KCNH7: variants seen among roughly 807,000 people sequenced by gnomAD.
KCNH7 encodes the protein voltage-gated inwardly rectifying potassium channel KCNH7.
Under a neutral mutation model 120.8 loss-of-function variants are expected in KCNH7, and 49 were observed. The observed-to-expected ratio is 0.41, with a 90% CI of 0.32 to 0.51. The LOEUF is 0.51. Ranked by LOEUF, KCNH7 falls within the 20% of genes least tolerant of loss-of-function variation. The pLI, the probability that KCNH7 is intolerant of heterozygous loss-of-function variation, is 0.38. For missense variants in KCNH7, 1,097 were observed against 1,446.6 expected (o/e 0.76, Z 3.92); for synonymous variants, 547 against 516.1 (o/e 1.06, Z -0.81).
intron 2 of KCNH7, among the ~76,000 whole-genome samples, chr2:162,588,185 C>T (rs1694083605): frequency 6.6e-6 from 1 of 152,080 alleles, no homozygotes; most frequent in African/African-American, 2.4e-5. Context: ...CTGACCTTCA[C>T]ACCTCTGAGT....
chr2:162,744,553 T>C (rs994121575), intron 2 of KCNH7, among the ~76,000 whole-genome samples: 1 of 150,924 alleles, frequency 6.6e-6, no homozygotes, highest in Non-Finnish European at 1.5e-5. Flanking sequence ...TACAGTTATA[T>C]TCTAATTCAC....
At chr2:162,437,874 A>G (rs1199154390) in intron 7 of KCNH7, among the ~76,000 whole-genome samples, 1 of 152,132 alleles carries the variant, frequency 6.6e-6, no homozygotes, top group Non-Finnish European at 1.5e-5. Context: ...AGCTCGCCTC[A>G]AGAAATGGCA....
intron 2 of KCNH7, among the ~76,000 whole-genome samples, chr2:162,793,583 T>C (rs1050981045): frequency 1.3e-5 from 2 of 151,922 alleles, no homozygotes; most frequent in African/African-American, 4.8e-5. Context: ...TGGAAAGATA[T>C]CCCACATTCA....
At chr2:162,389,734 TC>T (rs1237416388) in intron 12 of KCNH7, among the ~76,000 whole-genome samples, 1 of 152,082 alleles carries the variant, frequency 6.6e-6, no homozygotes, top group Non-Finnish European at 1.5e-5. Context: ...AGTTTCCTCT[TC>T]CAGGTCCTCT....
chr2:162,650,714 G>A (rs890436878), intron 2 of KCNH7, among the ~76,000 whole-genome samples: 2 of 152,120 alleles, frequency 1.3e-5, no homozygotes, highest in Non-Finnish European at 2.9e-5. Flanking sequence ...CAGCATGACT[G>A]TTTATTTGAT....
intron 6 of KCNH7, among the ~76,000 whole-genome samples, chr2:162,473,948 T>C (rs1689650388): frequency 6.6e-6 from 1 of 152,212 alleles, no homozygotes; most frequent in Non-Finnish European, 1.5e-5. Flanking sequence ...GAGGTCAAAA[T>C]TGACTCTACT....
chr2:162,433,467 T>C (rs887543025), intron 8 of KCNH7, among the ~76,000 whole-genome samples: 6 of 151,858 alleles, frequency 4.0e-5, no homozygotes, highest in Non-Finnish European at 5.9e-5. Flanking sequence ...AACCCAGAAA[T>C]AAAGCTGCAC....
At chr2:162,492,016 G>C (rs550820889) in intron 6 of KCNH7, among the ~76,000 whole-genome samples, 5 of 152,138 alleles carry the variant, frequency 3.3e-5, no homozygotes, top group African/African-American at 4.8e-5. Flanking sequence ...AAACTGCTTA[G>C]CTTAAATGAG....
intron 2 of KCNH7, among the ~76,000 whole-genome samples, chr2:162,632,501 C>A (rs1328902066): frequency 6.6e-6 from 1 of 151,476 alleles, no homozygotes; most frequent in African/African-American, 2.4e-5. Context: ...ATTTATAGAA[C>A]CTGATAAGTT....
intron 2 of KCNH7, among the ~76,000 whole-genome samples, chr2:162,779,462 G>C (rs2105490234): frequency 6.6e-6 from 1 of 152,232 alleles, no homozygotes; most frequent in South Asian, 2.1e-4. Context: ...GCCTCCCAAA[G>C]TGCTGGAATT....
intron 2 of KCNH7, among the ~76,000 whole-genome samples, chr2:162,770,014 G>A (rs1467082722): frequency 6.6e-6 from 1 of 152,030 alleles, no homozygotes; most frequent in Admixed American, 6.6e-5. Flanking sequence ...TTCACCATTT[G>A]TCCAACTAGG....
At chr2:162,486,554 G>A (rs1438647466) in intron 6 of KCNH7, among the ~76,000 whole-genome samples, 1 of 152,038 alleles carries the variant, frequency 6.6e-6, no homozygotes, top group Non-Finnish European at 1.5e-5. Context: ...AAACCTATGT[G>A]AGCTTCATTA....
chr2:162,408,143 A>G (rs570222651), intron 9 of KCNH7, among the ~76,000 whole-genome samples: 1 of 152,178 alleles, frequency 6.6e-6, no homozygotes, highest in South Asian at 2.1e-4. Context: ...CTGTCCATCA[A>G]ATTGGCTTTC....
At chr2:162,788,352 C>T (rs1468779351) in intron 2 of KCNH7, among the ~76,000 whole-genome samples, 1 of 151,858 alleles carries the variant, frequency 6.6e-6, no homozygotes, top group African/African-American at 2.4e-5. Context: ...AAGAGAACAC[C>T]ACTACCTGAA....
chr2:162,586,869 G>C (rs1694037280), intron 2 of KCNH7, among the ~76,000 whole-genome samples: 1 of 151,930 alleles, frequency 6.6e-6, no homozygotes, highest in Non-Finnish European at 1.5e-5. Context: ...TACATGTAAA[G>C]TTAGCCATAC....
chr2:162,740,317 A>G (rs1258439916), intron 2 of KCNH7, among the ~76,000 whole-genome samples: 1 of 152,254 alleles, frequency 6.6e-6, no homozygotes, highest in East Asian at 1.9e-4. Context: ...CTGAGGCATT[A>G]GGCAGCTAAT....
chr2:162,542,907 C>T (rs917778906), intron 2 of KCNH7, among the ~76,000 whole-genome samples: 1 of 152,138 alleles, frequency 6.6e-6, no homozygotes, highest in Non-Finnish European at 1.5e-5. Flanking sequence ...TCCTCTCCAG[C>T]ACCTGTTGTT....
chr2:162,801,835 A>G (rs1684360507), intron 2 of KCNH7, among the ~76,000 whole-genome samples: 1 of 151,778 alleles, frequency 6.6e-6, no homozygotes, highest in Non-Finnish European at 1.5e-5. Flanking sequence ...AGTTGTTGGA[A>G]GAGGGAGCCA....
intron 2 of KCNH7, among the ~76,000 whole-genome samples, chr2:162,765,975 T>C (rs1682787778): frequency 6.6e-6 from 1 of 152,142 alleles, no homozygotes; most frequent in Non-Finnish European, 1.5e-5. Flanking sequence ...CAGGCTGGTC[T>C]CAAACCCCTA....
Sources: allele counts gnomAD v4.1 joint callset (sites outside exome capture counted in the v4.1 genomes callset), GRCh38; gene constraint gnomAD v4.1.1; transcripts MANE v1.5; gene names NCBI Gene and HGNC (gene_info 2026-07-23, HGNC 2026-07-21).